Variants in CXCL12 observed in about 807,000 individuals in gnomAD.
CXCL12 encodes C-X-C motif chemokine ligand 12.
A neutral mutation model predicts 10.7 loss-of-function variants in CXCL12; 4 were observed. That is an observed-to-expected ratio of 0.37 (90% CI 0.18 to 0.86). The LOEUF (loss-of-function observed/expected upper bound fraction) is 0.86, where lower values mean the gene tolerates loss of function less well. Among genes scored for constraint, CXCL12 ranks in the 40% least tolerant of loss-of-function variants. The pLI is 0.43. For synonymous variants in CXCL12, 54 were observed against 45.4 expected (o/e 1.19, Z -0.77); for missense variants, 122 against 110.4 (o/e 1.10, Z -0.47).
rs377316827 is a variant in CXCL12 at position 44,384,596 on chromosome 10, T to C, written c.61+349A>G. ...GAGCCCGCAGCGGGAAGGCAGTGGG[T>C]GGAGGGTGGGCAGGCAGGGGTCTGG... On this transcript the variant is annotated intron_variant, in intron 1 of 2. Coordinates refer to ENST00000343575, the MANE Select transcript of CXCL12 (RefSeq NM_199168.4). 9.0e-4 allele frequency among the ~76,000 whole-genome samples: 137 copies of C among 152,162 alleles called. 1 individual carries two copies. Among genetic ancestry groups the C allele is most frequent in the Middle Eastern group, 3.4e-3 (1 of 294 alleles).
chr10:44,381,110 G>A (rs1249757529), intron 1 of CXCL12, among the ~76,000 whole-genome samples: 1 of 152,216 alleles, frequency 6.6e-6, no homozygotes, highest in African/African-American at 2.4e-5. Context: ...CAGGCCTGGG[G>A]AGAGCCGGAG....
chr10:44,378,149 T>G lies in CXCL12; in HGVS notation c.*484A>C, dbSNP rs988627556. On this transcript the variant is annotated 3_prime_UTR_variant, in exon 3 of 3. Transcript: ENST00000343575. The stretch of plus-strand genomic sequence containing the variant: ...AGGGGCGCTGCTGCGGGAGCCTCAG[T>G]GTCTGAAGAAAGGACACTTTTTCCA... 4.9e-6 allele frequency: 7 copies of G among 1,433,078 alleles called. No individual in the cohort carries two copies. The African/African-American group carries it at 1.0e-4, about 21-fold the overall frequency. 88.8% of individuals were successfully genotyped at this position (1,433,078 alleles called of 1,614,324 possible).
chr10:44,380,495 G>A (rs532791694), intron 2 of CXCL12: 1 of 432,930 alleles, frequency 2.3e-6, no homozygotes, highest in East Asian at 4.2e-5. Context: ...GCATCCAGCT[G>A]TGCTGTGCTG....
At chr10:44,384,428 C>T (rs2132054676) in intron 1 of CXCL12, among the ~76,000 whole-genome samples, 1 of 152,264 alleles carries the variant, frequency 6.6e-6, no homozygotes, top group East Asian at 1.9e-4. Flanking sequence ...TCGCAGGGAG[C>T]GGAGGCTGCG....
intron 1 of CXCL12, among the ~76,000 whole-genome samples, chr10:44,383,903 T>C (rs905693805): frequency 4.6e-5 from 7 of 152,190 alleles, no homozygotes; most frequent in African/African-American, 1.7e-4. Context: ...TTCAACTCTT[T>C]GCAGGAAACT....
chr10:44,382,770 A>T (rs1171619452), intron 1 of CXCL12, among the ~76,000 whole-genome samples: 6 of 152,196 alleles, frequency 3.9e-5, no homozygotes, highest in Admixed American at 3.9e-4. Context: ...CCGCCTGTCA[A>T]GCAGCGAATT....
At position 44,378,551 on chromosome 10, in the gene CXCL12, C is replaced by T; in HGVS notation, c.*82G>A. 6.2e-7 allele frequency: 1 copy of T among 1,604,548 alleles called. No homozygotes were observed. The highest frequency in any genetic ancestry group is 8.5e-7 in the Non-Finnish European group (1 of 1,174,290). On this transcript the variant is annotated 3_prime_UTR_variant, in exon 3 of 3. Transcript: ENST00000343575. ...TCCTCATGGTTAAGGCCCCCTCCCC[C>T]ACGTCTTTGCCCTTTCATCTCTCAC...
At position 44,378,112 on chromosome 10, in the gene CXCL12, C is replaced by G. The variant is rs769754447; in HGVS notation, c.*521G>C. ...GTCGGTATCTGAGTGCCACAGAGGC[C>G]TTCCTCTTGGGAGGGGCGCTGCTGC... is the stretch of plus-strand genomic sequence containing the variant. On this transcript the variant is annotated 3_prime_UTR_variant, in exon 3 of 3. Coordinates refer to ENST00000343575, the MANE Select transcript of CXCL12 (RefSeq NM_199168.4). 4.0e-5 allele frequency: 58 copies of G among 1,445,752 alleles called. No individual in the cohort carries two copies. Among genetic ancestry groups the G allele is most frequent in the Middle Eastern group, 1.9e-4 (1 of 5,392 alleles). 89.6% of individuals were successfully genotyped at this position (1,445,752 alleles called of 1,614,324 possible).
intron 1 of CXCL12, among the ~76,000 whole-genome samples, chr10:44,383,553 T>C (rs1041033664): frequency 8.3e-5 from 10 of 120,360 alleles, no homozygotes; most frequent in Non-Finnish European, 3.2e-5. Flanking sequence ...ACCAGAGACC[T>C]TACAGGAACA....
At chr10:44,373,264 C>G (rs1027165211), downstream of CXCL12, 142 of 1,580,922 alleles carry the variant, frequency 9.0e-5, no homozygotes, top group Non-Finnish European at 1.2e-4. Flanking sequence ...GTGGCAGGCC[C>G]TTCCCTAACA....
rs1277979318 is a variant in CXCL12 at position 44,378,535 on chromosome 10, T to A, written c.*98A>T. ...CCACACACACACCTGGTCCTCATGGTTAAGGCCCCCTCCCCCACGTCTTTG... is the reference window on the plus strand; with the variant it reads ...CCACACACACACCTGGTCCTCATGGATAAGGCCCCCTCCCCCACGTCTTTG... On this transcript the variant is annotated 3_prime_UTR_variant, in exon 3 of 3. Coordinates refer to ENST00000343575, the MANE Select transcript of CXCL12 (RefSeq NM_199168.4). 4 of 1,577,574 alleles carry A rather than the reference T, an allele frequency of 2.5e-6. No homozygotes were observed. Among genetic ancestry groups the A allele is most frequent in the Non-Finnish European group, 3.4e-6 (4 of 1,161,226 alleles).
chr10:44,371,249 A>G (rs1301915664), downstream of CXCL12: 2 of 307,094 alleles, frequency 6.5e-6, no homozygotes, highest in Non-Finnish European at 1.3e-5. Context: ...TCTCCCATGG[A>G]GGAGAAATAG....
At chr10:44,384,648 T>C (rs1020087725) in intron 1 of CXCL12, among the ~76,000 whole-genome samples, 11 of 152,300 alleles carry the variant, frequency 7.2e-5, no homozygotes, top group Admixed American at 1.3e-4. Context: ...CCCTCGCGCC[T>C]TCCCGCGCCA....
At chr10:44,373,405 CAGA>C (rs1335760599), downstream of CXCL12, 1 of 1,486,556 alleles carries the variant, frequency 6.7e-7, no homozygotes, top group Non-Finnish European at 9.3e-7. Context: ...CAGCCAGCTC[CAGA>C]AGGACAGCGG....
At position 44,377,837 on chromosome 10, in the gene CXCL12, G is replaced by C; in HGVS notation, c.*796C>G. The C allele has an allele frequency of 6.3e-7, 1 of 1,594,622 alleles. No individual in the cohort carries two copies. The highest frequency in any genetic ancestry group is 8.5e-7 in the Non-Finnish European group (1 of 1,178,250). ...GGCCCGAGCTGTGGGGCAGGCCCTG[G>C]GAGGAGAGGGATGCAGGGCACGAGC... On this transcript the variant is annotated 3_prime_UTR_variant, in exon 3 of 3. Coordinates refer to ENST00000343575, the MANE Select transcript of CXCL12 (RefSeq NM_199168.4).
chr10:44,378,456 CA>C lies in CXCL12; in HGVS notation c.*176del, dbSNP rs1767062508. ...AATATCATACCGTATGCTATAAATGCAGGGTCTAAATGCTGGCAAACCTCAG... is the reference window on the plus strand; with the variant it reads ...AATATCATACCGTATGCTATAAATGCGGGTCTAAATGCTGGCAAACCTCAG... On this transcript the variant is annotated 3_prime_UTR_variant, in exon 3 of 3. Coordinates refer to ENST00000343575, the MANE Select transcript of CXCL12 (RefSeq NM_199168.4). The C allele has an allele frequency of 6.5e-7, 1 of 1,539,394 alleles. No homozygotes were observed. Among genetic ancestry groups the C allele is most frequent in the African/African-American group, 1.4e-5 (1 of 73,534 alleles).
At chr10:44,371,516 A>AT (rs1311216931), downstream of CXCL12, 1 of 205,838 alleles carries the variant, frequency 4.9e-6, no homozygotes, top group Non-Finnish European at 1.0e-5. Flanking sequence ...CTCAGGCTCT[A>AT]TTTTTTCAAT....
intron 1 of CXCL12, among the ~76,000 whole-genome samples, chr10:44,384,528 CTG>C (rs900543714): frequency 2.0e-5 from 3 of 152,238 alleles, no homozygotes; most frequent in Non-Finnish European, 2.9e-5. Flanking sequence ...ACCTCCAGCA[CTG>C]TGCGCAGCAG....
downstream of CXCL12, chr10:44,373,411 G>T: frequency 7.1e-7 from 1 of 1,401,670 alleles, no homozygotes; most frequent in Non-Finnish European, 1.0e-6. Context: ...GCTCCAGAAG[G>T]ACAGCGGCCT....
Sources: allele counts gnomAD v4.1 joint callset (sites outside exome capture counted in the v4.1 genomes callset), GRCh38; gene constraint gnomAD v4.1.1; transcripts MANE v1.5; gene names NCBI Gene and HGNC (gene_info 2026-07-23, HGNC 2026-07-21).